Variants in AKAP6 observed in about 807,000 individuals in gnomAD.
AKAP6 encodes A-kinase anchor protein 6.
A neutral mutation model predicts 188.5 loss-of-function variants in AKAP6; 58 were observed. That is an observed-to-expected ratio of 0.31 (90% CI 0.25 to 0.38). The LOEUF is 0.38. Among genes scored for constraint, AKAP6 ranks in the 10% least tolerant of loss-of-function variants. The pLI, the probability that AKAP6 is intolerant of heterozygous loss-of-function variation, is 1.00. For synonymous variants in AKAP6, 989 were observed against 998.6 expected (o/e 0.99, Z 0.18); for missense variants, 2,710 against 2,740.0 (o/e 0.99, Z 0.24).
intron 1 of AKAP6, among the ~76,000 whole-genome samples, chr14:32,338,712 GA>G (rs1430392242): frequency 2.0e-5 from 3 of 152,162 alleles, no homozygotes; most frequent in Non-Finnish European, 4.4e-5. Flanking sequence ...AAAATTATTA[GA>G]GTTATGATCT....
chr14:32,672,882 G>A (rs969699518), intron 7 of AKAP6, among the ~76,000 whole-genome samples: 5 of 152,102 alleles, frequency 3.3e-5, no homozygotes, highest in Non-Finnish European at 2.9e-5. Context: ...TCCATTAGGC[G>A]ACTATCTTGT....
chr14:32,747,718 G>C (rs1372426082), intron 11 of AKAP6, among the ~76,000 whole-genome samples: 6 of 152,212 alleles, frequency 3.9e-5, no homozygotes, highest in Non-Finnish European at 8.8e-5. Context: ...TCACACTACT[G>C]TCTGAGGGTG....
In AKAP6 at chr14:32,832,762, G is replaced by T. The variant is rs1322327599; in HGVS notation, c.*2957G>T. 1 of 152,610 alleles carries T rather than the reference G, an allele frequency of 6.6e-6. No homozygotes were observed. The highest frequency in any genetic ancestry group is 1.5e-5 in the Non-Finnish European group (1 of 68,042). 9.5% of individuals were successfully genotyped at this position (152,610 alleles called of 1,614,324 possible). A position where few individuals can be genotyped will look rare whatever the true frequency, so the allele number is the denominator to read the frequency against. On this transcript the variant is annotated 3_prime_UTR_variant, in exon 14 of 14. Transcript: ENST00000280979. ...CCGCTACCCTGTTCTGTCTTATGGA[G>T]CAGCCCAGATTATCTTTACTCCCTC...
At chr14:32,668,823 C>T (rs1488711846) in intron 7 of AKAP6, among the ~76,000 whole-genome samples, 1 of 151,874 alleles carries the variant, frequency 6.6e-6, no homozygotes, top group Non-Finnish European at 1.5e-5. Context: ...AGTTTTATAT[C>T]CTAACCTACA....
intron 2 of AKAP6, among the ~76,000 whole-genome samples, chr14:32,483,175 T>C (rs1001938697): frequency 1.3e-5 from 2 of 152,190 alleles, no homozygotes; most frequent in African/African-American, 4.8e-5. Flanking sequence ...TATTTCAGTG[T>C]GATTTAATTT....
At chr14:32,705,906 T>A (rs1890794359) in intron 9 of AKAP6, among the ~76,000 whole-genome samples, 1 of 152,136 alleles carries the variant, frequency 6.6e-6, no homozygotes, top group Non-Finnish European at 1.5e-5. Context: ...CGGGTCTCAC[T>A]CTGGCCATTA....
intron 12 of AKAP6, among the ~76,000 whole-genome samples, chr14:32,784,930 T>C (rs41535345): frequency 0.04 from 6,033 of 149,258 alleles, 286 homozygotes; most frequent in East Asian, 0.23. Context: ...ATTCTTTTTA[T>C]TGGAGACTGC....
At chr14:32,354,825 T>C (rs868143307) in intron 1 of AKAP6, among the ~76,000 whole-genome samples, 2 of 151,874 alleles carry the variant, frequency 1.3e-5, no homozygotes, top group Middle Eastern at 3.4e-3. Flanking sequence ...GAAGTGGACA[T>C]GTGCTTCTGT....
chr14:32,730,764 T>C (rs1171834415), intron 9 of AKAP6, among the ~76,000 whole-genome samples: 1 of 152,214 alleles, frequency 6.6e-6, no homozygotes, highest in Non-Finnish European at 1.5e-5. Flanking sequence ...TAAATCTTTG[T>C]CAGCTATATC....
intron 2 of AKAP6, among the ~76,000 whole-genome samples, chr14:32,480,901 T>C (rs1879308061): frequency 1.3e-5 from 2 of 152,202 alleles, no homozygotes; most frequent in Admixed American, 1.3e-4. Flanking sequence ...GTAAAGACAC[T>C]TTAAAAATAT....
chr14:32,386,324 T>C (rs1334696595), intron 1 of AKAP6, among the ~76,000 whole-genome samples: 4 of 152,160 alleles, frequency 2.6e-5, no homozygotes, highest in African/African-American at 9.7e-5. Flanking sequence ...TGGTAACGCA[T>C]TGTGGTTTTG....
At chr14:32,628,753 C>G (rs1399673362) in intron 7 of AKAP6, among the ~76,000 whole-genome samples, 1 of 151,446 alleles carries the variant, frequency 6.6e-6, no homozygotes, top group Non-Finnish European at 1.5e-5. Flanking sequence ...GTCCAAAACA[C>G]CAGATTTTTT....
intron 1 of AKAP6, among the ~76,000 whole-genome samples, chr14:32,342,209 A>T (rs962030194): frequency 6.6e-6 from 1 of 152,090 alleles, no homozygotes; most frequent in African/African-American, 2.4e-5. Context: ...TCAGACTTGT[A>T]TTTCTCCTGC....
At chr14:32,439,163 C>G (rs897661009) in intron 2 of AKAP6, 1 of 152,236 alleles carries the variant, frequency 6.6e-6, no homozygotes, top group African/African-American at 2.4e-5. Flanking sequence ...TCTGACTGGG[C>G]TGTACCCAGA....
chr14:32,718,422 G>A (rs1194804657), intron 9 of AKAP6: 1 of 627,522 alleles, frequency 1.6e-6, no homozygotes, highest in South Asian at 7.0e-5. Flanking sequence ...CAAGGGGTCA[G>A]GGGATGGGTA....
At chr14:32,590,790 T>G (rs982844121) in intron 5 of AKAP6, among the ~76,000 whole-genome samples, 4 of 152,216 alleles carry the variant, frequency 2.6e-5, no homozygotes, top group African/African-American at 9.6e-5. Flanking sequence ...AACTCCGATA[T>G]TTGAATGTTT....
In AKAP6 at chr14:32,546,141, A is replaced by C; in HGVS notation, c.1488A>C (p.Lys496Asn). The C allele has an allele frequency of 6.2e-7, 1 of 1,613,876 alleles. No individual in the cohort carries two copies. The highest frequency in any genetic ancestry group is 8.5e-7 in the Non-Finnish European group (1 of 1,179,956). The part of the protein sequence containing the change: ...NDCYKEKSRL[K>N]KPHKTSEEVP... ...GCTATAAAGAGAAATCTCGACTTAA[A>C]AAGCCACACAAGACCTCAGAAGAGG... The change falls in exon 4 of 14, where the codon AAA (lysine) becomes AAC (asparagine). Residue 496 changes from lysine to asparagine, a missense_variant. Lys to Asn is a moderately conservative substitution (Grantham distance 94). Around this residue, in one of 2 missense-constraint regions of AKAP6, gnomAD observed 2,473 missense variants for 2,426.1 expected, o/e 1.02. Transcript: ENST00000280979.
At chr14:32,679,387 C>G (rs1011235548) in intron 8 of AKAP6, among the ~76,000 whole-genome samples, 1 of 152,060 alleles carries the variant, frequency 6.6e-6, no homozygotes, top group Non-Finnish European at 1.5e-5. Context: ...TTGTACCAGA[C>G]AGCACAAAGG....
intron 4 of AKAP6, among the ~76,000 whole-genome samples, chr14:32,572,713 AT>A (rs1419202632): frequency 2.0e-5 from 3 of 152,204 alleles, no homozygotes; most frequent in Non-Finnish European, 4.4e-5. Context: ...CTAGCAAATT[AT>A]TTTTCACAAA....
Sources: allele counts gnomAD v4.1 joint callset (sites outside exome capture counted in the v4.1 genomes callset), GRCh38; gene constraint gnomAD v4.1.1; regional missense constraint gnomAD v4.1.1; transcripts MANE v1.5; gene names NCBI Gene and HGNC (gene_info 2026-07-23, HGNC 2026-07-21).